HERC3: variants seen among roughly 807,000 people sequenced by gnomAD.
The protein encoded by HERC3 is probable E3 ubiquitin-protein ligase HERC3.
Under a neutral mutation model 129.9 loss-of-function variants are expected in HERC3, and 58 were observed. The ratio of observed to expected loss-of-function variants is 0.45; its 90% CI spans 0.36 to 0.56. The LOEUF is 0.56. Ranked by LOEUF, HERC3 falls within the 20% of genes least tolerant of loss-of-function variation. The pLI is 0.00. For missense variants in HERC3, 835 were observed against 1,244.2 expected (o/e 0.67, Z 4.95); for synonymous variants, 430 against 451.0 (o/e 0.95, Z 0.59).
the HERC3 span, among the ~76,000 whole-genome samples, chr4:88,549,120 C>T: frequency 2.0e-5 from 3 of 152,096 alleles, no homozygotes; most frequent in African/African-American, 7.2e-5. Context: ...ATGGTTTTAT[C>T]TCTTACATTT....
At chr4:88,670,717 T>A (rs1454460868) in intron 16 of HERC3, among the ~76,000 whole-genome samples, 1 of 152,164 alleles carries the variant, frequency 6.6e-6, no homozygotes, top group Non-Finnish European at 1.5e-5. Context: ...TAGGTTTTTT[T>A]TTAAACCATA....
chr4:88,674,310 C>G (rs1731928852), intron 16 of HERC3, among the ~76,000 whole-genome samples: 1 of 152,068 alleles, frequency 6.6e-6, no homozygotes, highest in Non-Finnish European at 1.5e-5. Context: ...GACAAAACTG[C>G]TGATTGATGT....
the HERC3 span, among the ~76,000 whole-genome samples, chr4:88,549,011 T>C: frequency 6.6e-6 from 1 of 152,164 alleles, no homozygotes; most frequent in African/African-American, 2.4e-5. Flanking sequence ...TTTTCTATTA[T>C]TTTCTTCAGT....
At chr4:88,608,407 A>G (rs1032827592) in intron 3 of HERC3, among the ~76,000 whole-genome samples, 13 of 152,194 alleles carry the variant, frequency 8.5e-5, no homozygotes, top group African/African-American at 2.7e-4. Flanking sequence ...TGGGATTTCA[A>G]GGAAGGGGTT....
At chr4:88,551,635 C>A in the HERC3 span, among the ~76,000 whole-genome samples, 1 of 152,082 alleles carries the variant, frequency 6.6e-6, no homozygotes, top group Admixed American at 6.6e-5. Flanking sequence ...CAGGAAAAAA[C>A]AGGTGCTGGA....
At chr4:88,648,775 A>T (rs1009433974) in intron 3 of HERC3, among the ~76,000 whole-genome samples, 1 of 151,038 alleles carries the variant, frequency 6.6e-6, no homozygotes. Context: ...CTCTTTCTGG[A>T]TGTTGGACCT....
At chr4:88,547,177 A>G in the HERC3 span, among the ~76,000 whole-genome samples, 1 of 152,346 alleles carries the variant, frequency 6.6e-6, no homozygotes, top group Non-Finnish European at 1.5e-5. Context: ...CAGATAAAAT[A>G]TCACTACTCT....
intron 23 of HERC3, chr4:88,689,913 T>G (rs1733896834): frequency 1.3e-6 from 1 of 753,704 alleles, no homozygotes; most frequent in East Asian, 1.3e-4. Context: ...TCGAAGCTAG[T>G]ATGATCTCAT....
chr4:88,655,196 G>A lies in HERC3; in HGVS notation c.800G>A (p.Gly267Asp). 1 of 1,613,858 alleles carries A rather than the reference G, an allele frequency of 6.2e-7. No homozygotes were observed. The highest frequency in any genetic ancestry group is 8.5e-7 in the Non-Finnish European group (1 of 1,179,846). ...TAGAGTGGAGGTGTGTTTACCTTTG[G>A]CGCTGGTTCCTGTGGGCAACTTGGA... Reference protein sequence around the residue: ...LTKSGGVFTFGAGSCGQLGHD... With the variant: ...LTKSGGVFTFDAGSCGQLGHD... The change falls in exon 8 of 26, where the codon GGC (glycine) becomes GAC (aspartate). Residue 267 changes from glycine (G) to aspartate (D), a missense_variant. Gly to Asp is a moderately conservative substitution (Grantham distance 94). Transcript: ENST00000402738.
chr4:88,585,177 G>C, the HERC3 span, among the ~76,000 whole-genome samples: 1 of 152,240 alleles, frequency 6.6e-6, no homozygotes, highest in East Asian at 1.9e-4. Context: ...AGTCACAAGG[G>C]CTCAACTCTC....
intron 2 of HERC3, among the ~76,000 whole-genome samples, chr4:88,596,468 T>G (rs1214041130): frequency 6.6e-6 from 1 of 152,124 alleles, no homozygotes; most frequent in African/African-American, 2.4e-5. Context: ...TTTCTAAGAA[T>G]GGGGGTCAGT....
intron 3 of HERC3, 55 bp downstream of exon 3, chr4:88,606,104 C>G (rs530053773): frequency 4.2e-6 from 6 of 1,424,664 alleles, no homozygotes; most frequent in East Asian, 2.4e-5. Flanking sequence ...TTGGAGGACA[C>G]AATGGCAGAG....
At chr4:88,603,503 G>A (rs1332547537) in intron 2 of HERC3, among the ~76,000 whole-genome samples, 4 of 152,084 alleles carry the variant, frequency 2.6e-5, no homozygotes, top group African/African-American at 9.7e-5. Context: ...CACCATGCCC[G>A]GCCAATCGCT....
At chr4:88,676,031 T>C (rs1468550913) in intron 16 of HERC3, among the ~76,000 whole-genome samples, 187 bp from the exon 17 acceptor site, 1 of 152,204 alleles carries the variant, frequency 6.6e-6, no homozygotes, top group Admixed American at 6.5e-5. Flanking sequence ...GCTTTTGCTC[T>C]TTTTCTCATT....
At chr4:88,604,944 A>T (rs1263180885) in intron 2 of HERC3, among the ~76,000 whole-genome samples, 1 of 151,636 alleles carries the variant, frequency 6.6e-6, no homozygotes, top group Non-Finnish European at 1.5e-5. Flanking sequence ...GAGAGATGAG[A>T]TTTTTTTTTG....
the HERC3 span, among the ~76,000 whole-genome samples, chr4:88,537,815 C>T: frequency 3.7e-4 from 56 of 152,166 alleles, no homozygotes; most frequent in Non-Finnish European, 1.5e-5. Context: ...GCTCTGAAAT[C>T]CATAGCACTG....
the HERC3 span, among the ~76,000 whole-genome samples, chr4:88,534,841 T>C: frequency 6.6e-6 from 1 of 152,220 alleles, no homozygotes; most frequent in African/African-American, 2.4e-5. Context: ...TTTGTGTGTG[T>C]TTTCAATGAC....
the HERC3 span, among the ~76,000 whole-genome samples, chr4:88,549,364 G>T: frequency 6.6e-6 from 1 of 151,314 alleles, no homozygotes; most frequent in Non-Finnish European, 1.5e-5. Context: ...ATATATACAG[G>T]TTTGCTCATG....
the HERC3 span, among the ~76,000 whole-genome samples, chr4:88,532,934 T>C: frequency 6.6e-6 from 1 of 152,162 alleles, no homozygotes; most frequent in African/African-American, 2.4e-5. Flanking sequence ...TAGATGAATA[T>C]ACGAAACGGA....
Sources: allele counts gnomAD v4.1 joint callset (sites outside exome capture counted in the v4.1 genomes callset), GRCh38; gene constraint gnomAD v4.1.1; transcripts MANE v1.5; gene names NCBI Gene and HGNC (gene_info 2026-07-23, HGNC 2026-07-21).